TSGA13: variants seen among roughly 807,000 people sequenced by gnomAD.
The protein encoded by TSGA13 is testis-specific gene 13 protein.
In TSGA13, 37 loss-of-function variants were observed where a neutral mutation model predicts 35.1. The ratio of observed to expected loss-of-function variants is 1.05; its 90% confidence interval spans 0.81 to 1.39. TSGA13 has a LOEUF of 1.39. TSGA13 is among the 40% of genes most tolerant of loss of function. The pLI, the probability that TSGA13 is intolerant of heterozygous loss-of-function variation, is 0.00. For missense variants in TSGA13, 338 were observed against 328.5 expected (o/e 1.03, Z -0.22); for synonymous variants, 124 against 121.2 (o/e 1.02, Z -0.15).
In TSGA13 at chr7:130,668,712, G is replaced by C; in HGVS notation, c.*302C>G. 2 of 1,511,538 alleles carry C rather than the reference G, an allele frequency of 1.3e-6. No homozygotes were observed. Among genetic ancestry groups the C allele is most frequent in the African/African-American group, 1.4e-5 (1 of 69,058 alleles). 93.6% of individuals were successfully genotyped at this position (1,511,538 alleles called of 1,614,324 possible). A position where few individuals can be genotyped will look rare whatever the true frequency, so the allele number is the denominator to read the frequency against. ...GCCCAGACCCACCGCAACCGTCCCA[G>C]GCGCCGCAGCCGGCGAGCGGAAGAG... On this transcript the variant is annotated 3_prime_UTR_variant, in exon 8 of 8. Coordinates refer to ENST00000356588, the MANE Select transcript of TSGA13 (RefSeq NM_052933.4).
At chr7:130,678,787 C>A (rs557755597) in intron 5 of TSGA13, among the ~76,000 whole-genome samples, 116 of 152,068 alleles carry the variant, frequency 7.6e-4, no homozygotes, top group Non-Finnish European at 1.5e-3. Context: ...TTTGGGAGGC[C>A]GAGGCTGGAG....
At chr7:130,671,547 T>C (rs1796267081) in intron 7 of TSGA13, 114 bp downstream of exon 7, 4 of 1,209,856 alleles carry the variant, frequency 3.3e-6, no homozygotes, top group Non-Finnish European at 4.3e-6. Flanking sequence ...GGAAAAATAG[T>C]CTCCAGGACT....
chr7:130,669,252 G>A, intron 7 of TSGA13, 69 bp from the exon 8 acceptor site: 1 of 1,597,650 alleles, frequency 6.3e-7, no homozygotes. Context: ...CTTAATGTGA[G>A]ATGTAAAGGA....
rs782469599 is a variant in TSGA13 at position 130,669,040 on chromosome 7, T to A, written c.802A>T (p.Ile268Phe). The A allele has an allele frequency of 2.5e-6, 4 of 1,614,078 alleles. No individual in the cohort carries two copies. Among genetic ancestry groups the A allele is most frequent in the Non-Finnish European group, 3.4e-6 (4 of 1,180,030 alleles). ...CACCCGATGACCGTGGCCTTTTTGA[T>A]AATCCACTGCGGGGCCCTCCCGTTG... ...FRNGRAPQWI[I>F]KKATVIG The change falls in exon 8 of 8, where the codon ATC (isoleucine) becomes TTC (phenylalanine). Residue 268 changes from isoleucine (I) to phenylalanine (F), a missense_variant. Transcript: ENST00000356588.
intron 1 of TSGA13, 81 bp from the exon 2 acceptor site, chr7:130,685,441 G>A (rs1796638910): frequency 1.6e-6 from 2 of 1,256,716 alleles, no homozygotes; most frequent in Admixed American, 3.4e-5. Context: ...CTTGCTCTTA[G>A]AAGTTAAATT....
chr7:130,683,565 A>G (rs1796595905), intron 3 of TSGA13, 29 bp downstream of exon 3: 8 of 1,598,278 alleles, frequency 5.0e-6, no homozygotes, highest in Non-Finnish European at 6.0e-6. Context: ...AGAAAAATTA[A>G]ACATTGAACA....
At position 130,679,401 on chromosome 7, in the gene TSGA13, G is replaced by A. The variant is rs188657071; in HGVS notation, c.175-34C>T. The A allele has an allele frequency of 3.5e-5, 54 of 1,559,496 alleles. No individual in the cohort carries two copies. In the East Asian group the frequency reaches 9.0e-4, roughly 26 times the overall value. On this transcript the variant is annotated intron_variant, in intron 4 of 7. Coordinates refer to ENST00000356588, the MANE Select transcript of TSGA13 (RefSeq NM_052933.4). Reference sequence around the variant, plus strand: ...ACAGAAAGGTTTCCAGAGAGAAAAAGAGATTAGGCCAAGAGCAGGTTAACA... The same window carrying A: ...ACAGAAAGGTTTCCAGAGAGAAAAAAAGATTAGGCCAAGAGCAGGTTAACA...
chr7:130,684,279 T>C (rs1313824231), intron 2 of TSGA13, among the ~76,000 whole-genome samples: 1 of 152,202 alleles, frequency 6.6e-6, no homozygotes, highest in African/African-American at 2.4e-5. Flanking sequence ...CAATGGCAAA[T>C]ATTTCTGTAC....
chr7:130,684,349 C>T (rs1262604779), intron 2 of TSGA13, among the ~76,000 whole-genome samples: 1 of 152,176 alleles, frequency 6.6e-6, no homozygotes, highest in East Asian at 1.9e-4. Context: ...GGTGAAGCAG[C>T]TTCTATTCTT....
At chr7:130,672,660 A>G (rs1796305643) in intron 6 of TSGA13, 74 bp downstream of exon 6, 3 of 1,557,878 alleles carry the variant, frequency 1.9e-6, no homozygotes, top group Non-Finnish European at 2.6e-6. Context: ...ATTAAATTGT[A>G]TGGCAAAGAA....
At chr7:130,678,366 G>A (rs1470083628) in intron 5 of TSGA13, among the ~76,000 whole-genome samples, 2 of 147,124 alleles carry the variant, frequency 1.4e-5, no homozygotes, top group Non-Finnish European at 3.0e-5. Flanking sequence ...GCGATAGAAC[G>A]AGACTCCGTC....
In TSGA13 at chr7:130,679,374, A is replaced by T; in HGVS notation, c.175-7T>A. 1 of 1,601,886 alleles carries T rather than the reference A, an allele frequency of 6.2e-7. No homozygotes were observed. Among genetic ancestry groups the T allele is most frequent in the East Asian group, 2.2e-5 (1 of 44,788 alleles). On this transcript the variant is annotated splice_region_variant and splice_polypyrimidine_tract_variant and intron_variant, in intron 4 of 7. Coordinates refer to ENST00000356588, the MANE Select transcript of TSGA13 (RefSeq NM_052933.4). ...AAGGCTTATAGTACTGGGCCTGAAC[A>T]GACAGAAAGGTTTCCAGAGAGAAAA...
Position 130,671,794 on chromosome 7 carries a change from CAAAG to C in TSGA13, c.531-10_531-7del. 6.4e-7 allele frequency: 1 copy of C among 1,572,980 alleles called. No homozygotes were observed. The highest frequency in any genetic ancestry group is 8.7e-7 in the Non-Finnish European group (1 of 1,155,230). ...AATCATTGTCAGTGGAAAACCTTAA[CAAAG>C]AAAGTTCTTTGTTTAGTAGATCCTA... On this transcript the variant is annotated splice_region_variant and splice_polypyrimidine_tract_variant and intron_variant, in intron 6 of 7. Coordinates refer to ENST00000356588, the MANE Select transcript of TSGA13 (RefSeq NM_052933.4).
At chr7:130,673,061 C>A (rs78160016) in intron 5 of TSGA13, among the ~76,000 whole-genome samples, 185 bp from the exon 6 acceptor site, 80 of 152,336 alleles carry the variant, frequency 5.3e-4, no homozygotes, top group Non-Finnish European at 8.2e-4. Flanking sequence ...GGAAAACACT[C>A]TTTTCATTGC....
At chr7:130,677,628 T>C (rs1404585568) in intron 5 of TSGA13, among the ~76,000 whole-genome samples, 1 of 152,082 alleles carries the variant, frequency 6.6e-6, no homozygotes, top group East Asian at 1.9e-4. Context: ...TTTCACCATG[T>C]TGGCCAAGCT....
intron 5 of TSGA13, among the ~76,000 whole-genome samples, chr7:130,673,615 A>T (rs1195171878): frequency 6.6e-6 from 1 of 152,218 alleles, no homozygotes; most frequent in Non-Finnish European, 1.5e-5. Flanking sequence ...TGTCTCTTCC[A>T]GGCTAAACAT....
intron 5 of TSGA13, among the ~76,000 whole-genome samples, chr7:130,673,970 C>G (rs1394448621): frequency 1.3e-5 from 2 of 151,616 alleles, no homozygotes; most frequent in Admixed American, 1.3e-4. Context: ...TGGCGCGTGC[C>G]TATATTCCCA....
At position 130,674,175 on chromosome 7, in the gene TSGA13, T is replaced by C. The variant is rs188742527; in HGVS notation, c.388-1299A>G. ...TTCTTTTTTTTCTTTTTTTCTTTTT[T>C]TTTTTTTTTTTTTTGAGATAGAGTC... is the stretch of plus-strand genomic sequence containing the variant. On this transcript the variant is annotated intron_variant, in intron 5 of 7. Coordinates refer to ENST00000356588, the MANE Select transcript of TSGA13 (RefSeq NM_052933.4). Among the ~76,000 whole-genome samples the C allele has an allele frequency of 2.6e-4, 34 of 133,150 alleles. No individual in the cohort carries two copies. In the East Asian group the frequency reaches 6.1e-3, roughly 24 times the overall value. The allele number at this position is 133,150 out of a possible 152,430, so 87.4% of individuals were successfully genotyped here.
intron 5 of TSGA13, among the ~76,000 whole-genome samples, chr7:130,676,481 G>T (rs976135997): frequency 3.9e-5 from 6 of 152,184 alleles, no homozygotes; most frequent in African/African-American, 7.2e-5. Context: ...TTCCTTCTGC[G>T]CATTAAGCAG....
Sources: allele counts gnomAD v4.1 joint callset (sites outside exome capture counted in the v4.1 genomes callset), GRCh38; gene constraint gnomAD v4.1.1; transcripts MANE v1.5; gene names NCBI Gene and HGNC (gene_info 2026-07-23, HGNC 2026-07-21).